Variants in EPHX4 observed in about 807,000 individuals in gnomAD.
The protein encoded by EPHX4 is epoxide hydrolase 4.
In EPHX4, 31 loss-of-function variants were observed where a neutral mutation model predicts 44.9. The observed-to-expected ratio is 0.69, with a 90% CI of 0.52 to 0.93. The LOEUF (loss-of-function observed/expected upper bound fraction) is 0.93. Among genes scored for constraint, EPHX4 ranks in the 40% least tolerant of loss-of-function variants. The pLI, the probability that EPHX4 is intolerant of heterozygous loss-of-function variation, is 0.00. For synonymous variants in EPHX4, 151 were observed against 159.7 expected (o/e 0.95, Z 0.41); for missense variants, 373 against 438.1 (o/e 0.85, Z 1.33).
At chr1:92,059,281 C>CA (rs1647438749) in intron 6 of EPHX4, among the ~76,000 whole-genome samples, 1 of 151,972 alleles carries the variant, frequency 6.6e-6, no homozygotes, top group Non-Finnish European at 1.5e-5. Context: ...ACTAAAAATA[C>CA]AAAAAATTAG....
chr1:92,046,474 G>GT (rs1231722091), intron 4 of EPHX4, among the ~76,000 whole-genome samples: 2 of 151,900 alleles, frequency 1.3e-5, no homozygotes, highest in Non-Finnish European at 2.9e-5. Context: ...TTCTGTTTTT[G>GT]TTTTTTTGAG....
intron 3 of EPHX4, among the ~76,000 whole-genome samples, chr1:92,044,297 C>A (rs1023038): frequency 6.6e-6 from 1 of 151,936 alleles, no homozygotes; most frequent in African/African-American, 2.4e-5. Flanking sequence ...TGATTTTGAA[C>A]AATTATATTT....
chr1:92,060,567 A>G (rs1647472701), intron 6 of EPHX4, among the ~76,000 whole-genome samples: 1 of 152,208 alleles, frequency 6.6e-6, no homozygotes, highest in Non-Finnish European at 1.5e-5. Flanking sequence ...TTTTTAAATG[A>G]AACTTGACAA....
chr1:92,061,964 T>C (rs1647506926), intron 6 of EPHX4, among the ~76,000 whole-genome samples: 1 of 152,160 alleles, frequency 6.6e-6, no homozygotes, highest in South Asian at 2.1e-4. Flanking sequence ...TCCCAGCACT[T>C]TGGGAGGCCG....
At chr1:92,042,764 T>C in intron 2 of EPHX4, 59 bp from the exon 3 acceptor site, 1 of 1,360,264 alleles carries the variant, frequency 7.4e-7, no homozygotes, top group Admixed American at 2.4e-5. Context: ...AGAAAATCTG[T>C]AATGTTACTG....
chr1:92,043,482 A>G (rs1020928627), intron 3 of EPHX4: 4 of 151,880 alleles, frequency 2.6e-5, no homozygotes, highest in African/African-American at 9.7e-5. Context: ...AAATAGACCT[A>G]ATGTATGCTG....
chr1:92,033,056 T>A (rs906458890), intron 2 of EPHX4, among the ~76,000 whole-genome samples: 14 of 150,370 alleles, frequency 9.3e-5, no homozygotes, highest in African/African-American at 3.4e-4. Context: ...TAGCTGGGAC[T>A]ACAGGCATCT....
At position 92,043,031 on chromosome 1, in the gene EPHX4, A is replaced by G. The variant is rs536936927; in HGVS notation, c.475+51A>G. 5 of 1,408,094 alleles carry G rather than the reference A, an allele frequency of 3.6e-6. No homozygotes were observed. In the East Asian group the frequency reaches 7.0e-5, roughly 20 times the overall value. The allele number at this position is 1,408,094 out of a possible 1,614,324, so 87.2% of individuals were successfully genotyped here. On this transcript the variant is annotated intron_variant, in intron 3 of 6. Coordinates refer to ENST00000370383, the MANE Select transcript of EPHX4 (RefSeq NM_173567.5). ...TCTTTTTAAGGGACAAACATTCAACAAATTGTGAATCAATGACTTCTTTTC... is the reference window on the plus strand; with the variant it reads ...TCTTTTTAAGGGACAAACATTCAACGAATTGTGAATCAATGACTTCTTTTC...
chr1:92,054,587 CA>C (rs745316500), intron 6 of EPHX4, among the ~76,000 whole-genome samples: 587 of 54,664 alleles, frequency 0.011, 1 homozygote, highest in African/African-American at 0.025. Flanking sequence ...GACTCCATCT[CA>C]AAAAAAAAAA....
chr1:92,062,830 A>AC (rs1284301733), intron 6 of EPHX4, among the ~76,000 whole-genome samples: 13 of 150,686 alleles, frequency 8.6e-5, no homozygotes, highest in Non-Finnish European at 1.8e-4. Flanking sequence ...TTCCCTAATC[A>AC]CCCCCACCCT....
intron 4 of EPHX4, among the ~76,000 whole-genome samples, chr1:92,046,738 A>G (rs1461480144): frequency 6.6e-6 from 1 of 152,232 alleles, no homozygotes; most frequent in African/African-American, 2.4e-5. Flanking sequence ...CTGGGATTAC[A>G]GGCGTGAGCC....
At chr1:92,052,395 C>T in intron 5 of EPHX4, 115 bp from the exon 6 acceptor site, 1 of 945,618 alleles carries the variant, frequency 1.1e-6, no homozygotes, top group Admixed American at 2.9e-5. Flanking sequence ...TTGGCTAGAG[C>T]AGAAATTAGG....
At chr1:92,049,555 T>C (rs957497881) in intron 4 of EPHX4, among the ~76,000 whole-genome samples, 1 of 152,226 alleles carries the variant, frequency 6.6e-6, no homozygotes, top group Non-Finnish European at 1.5e-5. Flanking sequence ...ATTCATTGAA[T>C]GAATGAGTTT....
intron 1 of EPHX4, 77 bp from the exon 2 acceptor site, chr1:92,032,428 A>T: frequency 9.1e-7 from 1 of 1,102,652 alleles, no homozygotes; most frequent in Non-Finnish European, 1.4e-6. Flanking sequence ...TATTTTTTTA[A>T]TGAAATGGAA....
At chr1:92,038,302 T>C (rs1688468618) in intron 2 of EPHX4, among the ~76,000 whole-genome samples, 1 of 152,192 alleles carries the variant, frequency 6.6e-6, no homozygotes, top group Admixed American at 6.5e-5. Flanking sequence ...ACCCTTAAGG[T>C]ATTGAAACAA....
At chr1:92,042,202 A>T (rs1688517784) in intron 2 of EPHX4, among the ~76,000 whole-genome samples, 1 of 151,930 alleles carries the variant, frequency 6.6e-6, no homozygotes, top group African/African-American at 2.4e-5. Flanking sequence ...TCAATTTTTT[A>T]AAAATGGACT....
At chr1:92,061,772 C>T (rs183569809) in intron 6 of EPHX4, among the ~76,000 whole-genome samples, 2 of 152,178 alleles carry the variant, frequency 1.3e-5, no homozygotes, top group African/African-American at 2.4e-5. Context: ...AACTTGCATA[C>T]GTGTACTGTG....
intron 6 of EPHX4, among the ~76,000 whole-genome samples, chr1:92,062,359 G>A (rs1240948182): frequency 6.6e-6 from 1 of 151,940 alleles, no homozygotes; most frequent in Non-Finnish European, 1.5e-5. Flanking sequence ...GCCGAGGCGG[G>A]TGGATCAAGA....
At chr1:92,057,820 G>A (rs765141895) in intron 6 of EPHX4, among the ~76,000 whole-genome samples, 5 of 151,704 alleles carry the variant, frequency 3.3e-5, no homozygotes, top group Admixed American at 1.3e-4. Context: ...GGCTGGTCTC[G>A]GAACTCCTGA....
Sources: gnomAD v4.1 joint callset for allele counts (sites outside exome capture counted in the v4.1 genomes callset) on GRCh38, gnomAD v4.1.1 for gene constraint, MANE v1.5 for transcripts, NCBI Gene and HGNC (gene_info 2026-07-23, HGNC 2026-07-21) for gene names.